The following COBLL1 variants were observed in gnomAD, a reference collection of about 807,000 sequenced individuals.
COBLL1 encodes the protein cordon-bleu protein-like 1.
COBLL1 carries 50 observed loss-of-function variants against 94.8 expected under a neutral mutation model. The observed-to-expected ratio is 0.53, with a 90% CI of 0.42 to 0.67. The LOEUF is 0.67. Among genes scored for constraint, COBLL1 ranks in the 30% least tolerant of loss-of-function variants. COBLL1 has a pLI of 0.00. For missense variants in COBLL1, 1,362 were observed against 1,348.7 expected (o/e 1.01, Z -0.15); for synonymous variants, 448 against 473.8 (o/e 0.95, Z 0.71).
chr2:164,719,973 G>A (rs1368038802), intron 7 of COBLL1, among the ~76,000 whole-genome samples: 1 of 152,056 alleles, frequency 6.6e-6, no homozygotes, highest in South Asian at 2.1e-4. Context: ...ATAAGAAGAG[G>A]TTCAAGACCA....
intron 2 of COBLL1, among the ~76,000 whole-genome samples, chr2:164,792,538 C>T (rs1346182785): frequency 1.3e-5 from 2 of 152,088 alleles, no homozygotes; most frequent in Admixed American, 6.6e-5. Flanking sequence ...AGACGTAGGA[C>T]CAAATTTAGA....
intron 5 of COBLL1, chr2:164,727,021 G>A (rs187374002): frequency 3.8e-4 from 258 of 683,068 alleles, no homozygotes; most frequent in Non-Finnish European, 5.4e-4. Context: ...CGTTAGTGAT[G>A]TTAAGAAAGG....
intron 2 of COBLL1, among the ~76,000 whole-genome samples, chr2:164,792,215 A>C (rs533324500): frequency 6.6e-6 from 1 of 151,768 alleles, no homozygotes; most frequent in South Asian, 2.1e-4. Context: ...TGCAACCTCC[A>C]CCTCCTGAAC....
At chr2:164,795,184 A>C (rs1199911289) in intron 2 of COBLL1, among the ~76,000 whole-genome samples, 1 of 152,204 alleles carries the variant, frequency 6.6e-6, no homozygotes, top group Non-Finnish European at 1.5e-5. Context: ...CTAAAGGAGA[A>C]CTTTTAGAAA....
chr2:164,658,256 C>G (rs1329855442), intron 2 of COBLL1, among the ~76,000 whole-genome samples: 1 of 152,166 alleles, frequency 6.6e-6, no homozygotes, highest in Non-Finnish European at 1.5e-5. Flanking sequence ...AGTCCCCCCT[C>G]TCAACAGGAA....
At chr2:164,658,363 G>C (rs1691011988) in intron 2 of COBLL1, among the ~76,000 whole-genome samples, 1 of 152,136 alleles carries the variant, frequency 6.6e-6, no homozygotes, top group African/African-American at 2.4e-5. Flanking sequence ...GATTTCCTTG[G>C]GAGGGGTGCC....
chr2:164,672,053 T>C (rs113273344), intron 1 of COBLL1, among the ~76,000 whole-genome samples: 92 of 152,350 alleles, frequency 6.0e-4, no homozygotes, highest in African/African-American at 2.1e-3. Flanking sequence ...AGGTGTACGC[T>C]GGTATATAGG....
intron 12 of COBLL1, chr2:164,692,653 T>C (rs922547889): frequency 3.3e-6 from 1 of 299,664 alleles, no homozygotes; most frequent in Non-Finnish European, 6.1e-6. Context: ...ATAAATACAG[T>C]GGTAATTTTA....
chr2:164,834,940 T>A (rs536674909), intron 2 of COBLL1, among the ~76,000 whole-genome samples: 4 of 152,250 alleles, frequency 2.6e-5, no homozygotes, highest in African/African-American at 7.2e-5. Flanking sequence ...TGCAATGAGA[T>A]ACTACCACAT....
intron 9 of COBLL1, among the ~76,000 whole-genome samples, chr2:164,703,472 A>G (rs567698542): frequency 1.5e-4 from 23 of 152,358 alleles, no homozygotes; most frequent in Admixed American, 1.4e-3. Flanking sequence ...GTTATTATTC[A>G]ATACATTTCC....
chr2:164,730,198 A>G, intron 3 of COBLL1, 83 bp from the exon 4 acceptor site: 1 of 1,205,806 alleles, frequency 8.3e-7, no homozygotes, highest in South Asian at 1.3e-5. Context: ...AAACAAGTCT[A>G]CAAGATAGTT....
chr2:164,795,143 C>A (rs993817279), intron 2 of COBLL1, among the ~76,000 whole-genome samples: 1 of 152,126 alleles, frequency 6.6e-6, no homozygotes, highest in African/African-American at 2.4e-5. Context: ...CCCTAAATGT[C>A]TCTTTAAAGG....
At chr2:164,835,010 G>C (rs747179572) in intron 2 of COBLL1, among the ~76,000 whole-genome samples, 1 of 151,836 alleles carries the variant, frequency 6.6e-6, no homozygotes, top group Non-Finnish European at 1.5e-5. Context: ...TTGGTGAAGA[G>C]AATTGGAACC....
intron 2 of COBLL1, among the ~76,000 whole-genome samples, chr2:164,789,060 CACACAG>C (rs2105292550): frequency 7.7e-6 from 1 of 129,782 alleles, no homozygotes; most frequent in South Asian, 2.4e-4. Flanking sequence ...CACACACACA[CACACAG>C]ATGCAGTGGT....
chr2:164,693,022 G>A (rs534696024), intron 12 of COBLL1, among the ~76,000 whole-genome samples: 5 of 152,148 alleles, frequency 3.3e-5, no homozygotes, highest in East Asian at 3.9e-4. Flanking sequence ...ATTTAATTAC[G>A]CTTCTCAGGA....
At chr2:164,814,244 T>C (rs900940248) in intron 2 of COBLL1, among the ~76,000 whole-genome samples, 7 of 152,186 alleles carry the variant, frequency 4.6e-5, no homozygotes, top group Non-Finnish European at 1.0e-4. Flanking sequence ...AAGATAGTAG[T>C]ATCTCTCACA....
intron 2 of COBLL1, among the ~76,000 whole-genome samples, chr2:164,829,758 A>T (rs1380241861): frequency 1.3e-5 from 2 of 152,136 alleles, no homozygotes; most frequent in African/African-American, 2.4e-5. Flanking sequence ...ATACTTTAAA[A>T]TTTTTTTCTT....
intron 13 of COBLL1, among the ~76,000 whole-genome samples, chr2:164,691,422 T>C (rs572051232): frequency 5.9e-5 from 9 of 152,278 alleles, no homozygotes; most frequent in South Asian, 2.1e-4. Flanking sequence ...CGGGAGTTAA[T>C]GGAATAATAA....
chr2:164,782,316 T>C (rs1688754712), intron 2 of COBLL1, among the ~76,000 whole-genome samples: 1 of 152,148 alleles, frequency 6.6e-6, no homozygotes, highest in Non-Finnish European at 1.5e-5. Flanking sequence ...TCAGTAGAGC[T>C]CCTCATCCCT....
Sources: gnomAD v4.1 joint callset for allele counts (sites outside exome capture counted in the v4.1 genomes callset) on GRCh38, gnomAD v4.1.1 for gene constraint, MANE v1.5 for transcripts, NCBI Gene and HGNC (gene_info 2026-07-23, HGNC 2026-07-21) for gene names.